MARK3: variants seen among roughly 807,000 people sequenced by gnomAD.
MARK3 encodes microtubule affinity regulating kinase 3.
A neutral mutation model predicts 90.1 loss-of-function variants in MARK3; 46 were observed. The observed-to-expected ratio is 0.51, with a 90% confidence interval of 0.40 to 0.65. The LOEUF is 0.65. Ranked by LOEUF, MARK3 falls within the 30% of genes least tolerant of loss-of-function variation. The pLI is 0.00. For missense variants in MARK3, 818 were observed against 947.2 expected (o/e 0.86, Z 1.79); for synonymous variants, 321 against 332.6 (o/e 0.97, Z 0.38).
At chr14:103,393,412 G>C (rs896435737) in intron 1 of MARK3, among the ~76,000 whole-genome samples, 1 of 152,076 alleles carries the variant, frequency 6.6e-6, no homozygotes, top group Non-Finnish European at 1.5e-5. Flanking sequence ...TTGAGGCCAG[G>C]AGTTCCAGTC....
chr14:103,471,238 G>GAAT (rs563648764), intron 12 of MARK3, among the ~76,000 whole-genome samples: 370 of 152,230 alleles, frequency 2.4e-3, no homozygotes, highest in Non-Finnish European at 4.5e-3. Flanking sequence ...TTTCTCTAAG[G>GAAT]AATATGTTAG....
intron 6 of MARK3, 110 bp from the exon 7 acceptor site, chr14:103,462,295 C>A: frequency 1.5e-6 from 1 of 672,752 alleles, no homozygotes. Flanking sequence ...TCCACACGGA[C>A]ATTCGAGCGT....
intron 7 of MARK3, among the ~76,000 whole-genome samples, chr14:103,463,408 G>A (rs1334051409): frequency 1.3e-5 from 2 of 152,132 alleles, no homozygotes; most frequent in Non-Finnish European, 2.9e-5. Flanking sequence ...TACGGCCAGA[G>A]CACTCTTCTG....
At position 103,476,432 on chromosome 14, in the gene MARK3, A is replaced by G. The variant is rs1015060027; in HGVS notation, c.1482+1222A>G. ...TTTTAAGGTGAAAAAAAAGTTGGGT[A>G]ATTGCCTAAAATTACACTGCCAACC... On this transcript the variant is annotated intron_variant, in intron 13 of 17. Transcript: ENST00000429436. 9.9e-5 allele frequency among the ~76,000 whole-genome samples: 15 copies of G among 152,278 alleles called. 1 individual carries two copies. Among genetic ancestry groups the G allele is most frequent in the Admixed American group, 7.2e-4 (11 of 15,290 alleles).
intron 1 of MARK3, among the ~76,000 whole-genome samples, chr14:103,399,724 AAAAG>A (rs1418565219): frequency 4.6e-5 from 7 of 151,588 alleles, no homozygotes; most frequent in Admixed American, 1.3e-4. Context: ...AAAAAAAAAA[AAAAG>A]AAAGGAATTT....
At chr14:103,432,660 A>G (rs1041698829) in intron 3 of MARK3, among the ~76,000 whole-genome samples, 14 of 152,100 alleles carry the variant, frequency 9.2e-5, no homozygotes, top group African/African-American at 3.4e-4. Context: ...AGATCAGCCT[A>G]GGCAGCACAG....
At chr14:103,402,976 A>T (rs2140636521) in intron 1 of MARK3, among the ~76,000 whole-genome samples, 1 of 152,246 alleles carries the variant, frequency 6.6e-6, no homozygotes, top group Non-Finnish European at 1.5e-5. Context: ...AGGCAGTTTC[A>T]GCAGCCAGGC....
At chr14:103,387,242 A>G (rs1408396482) in intron 1 of MARK3, among the ~76,000 whole-genome samples, 1 of 152,150 alleles carries the variant, frequency 6.6e-6, no homozygotes, top group Non-Finnish European at 1.5e-5. Flanking sequence ...TGTTTGCTGG[A>G]TAGCTGTTTG....
intron 17 of MARK3, among the ~76,000 whole-genome samples, 181 bp downstream of exon 17, chr14:103,500,381 C>T (rs201746901): frequency 3.5e-4 from 53 of 152,320 alleles, no homozygotes; most frequent in African/African-American, 1.3e-3. Context: ...CCAGCTTGGC[C>T]TCCGCTCTAC....
intron 2 of MARK3, among the ~76,000 whole-genome samples, 157 bp from the exon 3 acceptor site, chr14:103,428,230 T>C (rs1485094403): frequency 6.6e-6 from 1 of 152,198 alleles, no homozygotes; most frequent in Non-Finnish European, 1.5e-5. Flanking sequence ...TACACAATTT[T>C]ATAAAGTTAC....
intron 2 of MARK3, among the ~76,000 whole-genome samples, chr14:103,426,217 A>G (rs925123078): frequency 1.3e-5 from 2 of 151,654 alleles, no homozygotes; most frequent in African/African-American, 2.4e-5. Context: ...ATACAAATAT[A>G]TTATTTGTGT....
At chr14:103,413,488 A>C (rs1242245395) in intron 2 of MARK3, among the ~76,000 whole-genome samples, 1 of 146,948 alleles carries the variant, frequency 6.8e-6, no homozygotes, top group African/African-American at 2.5e-5. Flanking sequence ...GTGCAGCGCG[A>C]TCTCGGCTCA....
intron 1 of MARK3, among the ~76,000 whole-genome samples, chr14:103,386,977 G>A (rs1202759355): frequency 6.6e-6 from 1 of 152,194 alleles, no homozygotes; most frequent in Non-Finnish European, 1.5e-5. Context: ...TTCTAACTCT[G>A]TTCTCCTCTA....
intron 15 of MARK3, among the ~76,000 whole-genome samples, chr14:103,493,949 T>G (rs1380714469): frequency 1.3e-5 from 2 of 151,466 alleles, no homozygotes; most frequent in Non-Finnish European, 2.9e-5. Flanking sequence ...AAGACTAGTA[T>G]TGGGCTGGGC....
chr14:103,393,560 A>G (rs547970972), intron 1 of MARK3, among the ~76,000 whole-genome samples: 1 of 152,276 alleles, frequency 6.6e-6, no homozygotes, highest in East Asian at 1.9e-4. Context: ...TATCTTATGT[A>G]TGTAAATGAG....
At chr14:103,406,635 C>T (rs1476451727) in intron 2 of MARK3, among the ~76,000 whole-genome samples, 2 of 148,314 alleles carry the variant, frequency 1.3e-5, no homozygotes, top group African/African-American at 5.0e-5. Flanking sequence ...CAGAGTCTCA[C>T]TCTGTCACCC....
intron 14 of MARK3, among the ~76,000 whole-genome samples, chr14:103,481,364 A>G (rs1340107715): frequency 2.6e-5 from 4 of 152,188 alleles, no homozygotes; most frequent in African/African-American, 9.6e-5. Flanking sequence ...TCTGACATTT[A>G]CTTTCTGCAG....
At chr14:103,420,090 A>G (rs769153044) in intron 2 of MARK3, among the ~76,000 whole-genome samples, 29 of 152,332 alleles carry the variant, frequency 1.9e-4, no homozygotes, top group Middle Eastern at 6.8e-3. Flanking sequence ...TATAGAATAC[A>G]TATGTTATAT....
intron 12 of MARK3, 93 bp downstream of exon 12, chr14:103,468,279 G>T: frequency 3.4e-5 from 20 of 583,690 alleles, no homozygotes; most frequent in Non-Finnish European, 3.6e-5. Context: ...AGCCTGGCTT[G>T]ATGTCCTTTC....
Sources: gnomAD v4.1 joint callset for allele counts (sites outside exome capture counted in the v4.1 genomes callset) on GRCh38, gnomAD v4.1.1 for gene constraint, MANE v1.5 for transcripts, NCBI Gene and HGNC (gene_info 2026-07-23, HGNC 2026-07-21) for gene names.